Variants in UBE2E2 observed in about 807,000 individuals in gnomAD.
UBE2E2 encodes ubiquitin-conjugating enzyme E2 E2.
UBE2E2 carries 6 observed loss-of-function variants against 24.7 expected under a neutral mutation model. The ratio of observed to expected loss-of-function variants is 0.24; its 90% CI spans 0.13 to 0.48. The LOEUF is 0.48. UBE2E2 is among the 20% of genes least tolerant of loss of function. The probability of loss-of-function intolerance (pLI) is 0.99; values close to 1 mark genes in which losing one functional copy is unlikely to be tolerated. For missense variants in UBE2E2, 169 were observed against 245.0 expected (o/e 0.69, Z 2.07); for synonymous variants, 104 against 83.6 (o/e 1.24, Z -1.33).
chr3:23,475,784 G>A (rs1336641064), intron 3 of UBE2E2, among the ~76,000 whole-genome samples: 3 of 152,048 alleles, frequency 2.0e-5, no homozygotes, highest in African/African-American at 7.3e-5. Context: ...AGGCTCTATA[G>A]AAACAATTTA....
At chr3:23,437,591 C>T (rs568142435) in intron 3 of UBE2E2, among the ~76,000 whole-genome samples, 2 of 152,270 alleles carry the variant, frequency 1.3e-5, no homozygotes, top group East Asian at 3.9e-4. Flanking sequence ...AACGTAAGTA[C>T]TATAGGAGCT....
intron 3 of UBE2E2, among the ~76,000 whole-genome samples, chr3:23,299,623 G>C (rs372707788): frequency 4.6e-5 from 7 of 152,148 alleles, no homozygotes; most frequent in East Asian, 1.9e-4. Flanking sequence ...CTGAGTTCTA[G>C]TTTGATTGCA....
At chr3:23,334,095 T>C (rs1207144245) in intron 3 of UBE2E2, among the ~76,000 whole-genome samples, 3 of 152,222 alleles carry the variant, frequency 2.0e-5, no homozygotes, top group African/African-American at 7.2e-5. Flanking sequence ...TTATCTTAAA[T>C]TGAAATATGC....
intron 3 of UBE2E2, among the ~76,000 whole-genome samples, chr3:23,269,078 T>C (rs1211046601): frequency 2.0e-5 from 3 of 151,972 alleles, no homozygotes; most frequent in Non-Finnish European, 1.5e-5. Context: ...ACTTAAACGT[T>C]AGACCTAAAA....
intron 3 of UBE2E2, among the ~76,000 whole-genome samples, chr3:23,222,839 T>C (rs561452762): frequency 5.4e-4 from 74 of 136,270 alleles, no homozygotes; most frequent in African/African-American, 1.9e-3. Context: ...CCAACAACAG[T>C]GTACGAGCCT....
In UBE2E2 at chr3:23,244,147, G is replaced by A. The variant is rs896304974; in HGVS notation, c.227+26835G>A. ...TGCATTTCATTTGGAAAAAAAAAAA[G>A]AATCAACTATTAAATGAGGAAATTA... On this transcript the variant is annotated intron_variant, in intron 3 of 5. Coordinates refer to ENST00000396703, the MANE Select transcript of UBE2E2 (RefSeq NM_152653.4). Among the ~76,000 whole-genome samples, 138 of 134,110 alleles carry A rather than the reference G, an allele frequency of 1.0e-3. 2 individuals carry two copies. The highest frequency in any genetic ancestry group is 1.0e-2 in the Admixed American group (135 of 13,516). The allele number at this position is 134,110 out of a possible 152,430, so 88.0% of individuals were successfully genotyped here. A position where few individuals can be genotyped will look rare whatever the true frequency, so the allele number is the denominator to read the frequency against.
intron 3 of UBE2E2, among the ~76,000 whole-genome samples, chr3:23,387,174 A>G (rs1696821976): frequency 6.6e-6 from 1 of 152,238 alleles, no homozygotes; most frequent in African/African-American, 2.4e-5. Context: ...GACTAAATGT[A>G]GTATTCCTAT....
chr3:23,556,637 G>A (rs1268814599), intron 5 of UBE2E2, among the ~76,000 whole-genome samples: 1 of 151,986 alleles, frequency 6.6e-6, no homozygotes, highest in Non-Finnish European at 1.5e-5. Context: ...GCTTATTTGA[G>A]GTTAAAGAGT....
At position 23,589,839 on chromosome 3, in the gene UBE2E2, C is replaced by CT; in HGVS notation, c.*9dup. 6.2e-7 allele frequency: 1 copy of CT among 1,613,978 alleles called. No homozygotes were observed. Among genetic ancestry groups the CT allele is most frequent in the Non-Finnish European group, 8.5e-7 (1 of 1,179,858 alleles). ...AAGCGGTACGCCACATAGGGGCCTG[C>CT]TGCCTGCCGCCCCGCGGGACCTGTG... On this transcript the variant is annotated 3_prime_UTR_variant, in exon 6 of 6. Coordinates refer to ENST00000396703, the MANE Select transcript of UBE2E2 (RefSeq NM_152653.4). The surrounding 1 kb of genome is among the most constrained non-coding windows in gnomAD (Gnocchi z 4.1).
chr3:23,332,689 G>T (rs112960205), intron 3 of UBE2E2, among the ~76,000 whole-genome samples: 136 of 148,434 alleles, frequency 9.2e-4, no homozygotes, highest in African/African-American at 3.2e-3. Flanking sequence ...GTGTGTGTGT[G>T]TGTGTGTGTG....
chr3:23,283,130 A>T (rs1464349779), intron 3 of UBE2E2, among the ~76,000 whole-genome samples: 2 of 152,154 alleles, frequency 1.3e-5, no homozygotes, highest in Non-Finnish European at 2.9e-5. Context: ...GAAGTTGATA[A>T]ATGCTACCTT....
chr3:23,300,833 C>G (rs934653086), intron 3 of UBE2E2, among the ~76,000 whole-genome samples: 1 of 152,026 alleles, frequency 6.6e-6, no homozygotes, highest in African/African-American at 2.4e-5. Flanking sequence ...GTTGGCCTGC[C>G]TTGCTAGATT....
At chr3:23,213,395 G>GA (rs925128243) in intron 2 of UBE2E2, among the ~76,000 whole-genome samples, 3 of 151,846 alleles carry the variant, frequency 2.0e-5, no homozygotes, top group African/African-American at 7.3e-5. Context: ...TGATTGTTAT[G>GA]ATTCCCCTCC....
chr3:23,433,824 T>C (rs919377525), intron 3 of UBE2E2, among the ~76,000 whole-genome samples: 5 of 152,000 alleles, frequency 3.3e-5, no homozygotes, highest in African/African-American at 1.2e-4. Flanking sequence ...AATAGAAGTA[T>C]ATCATGTCTT....
intron 3 of UBE2E2, among the ~76,000 whole-genome samples, chr3:23,294,485 C>T (rs1052920792): frequency 1.9e-4 from 29 of 151,900 alleles, no homozygotes; most frequent in African/African-American, 4.8e-4. Flanking sequence ...ATAATCAAGA[C>T]GTGGCTCATC....
At chr3:23,249,878 G>A (rs1375532096) in intron 3 of UBE2E2, among the ~76,000 whole-genome samples, 2 of 152,032 alleles carry the variant, frequency 1.3e-5, no homozygotes, top group African/African-American at 2.4e-5. Flanking sequence ...GGATAGTCTC[G>A]ATCTCCTGAC....
intron 3 of UBE2E2, among the ~76,000 whole-genome samples, chr3:23,395,657 AG>A (rs1389731085): frequency 6.6e-6 from 1 of 152,104 alleles, no homozygotes; most frequent in East Asian, 1.9e-4. Context: ...TTAGTTTTTA[AG>A]GGTGAATCCA....
intron 5 of UBE2E2, among the ~76,000 whole-genome samples, chr3:23,575,920 A>G (rs1231208782): frequency 6.6e-6 from 1 of 152,162 alleles, no homozygotes; most frequent in Non-Finnish European, 1.5e-5. Context: ...CTAATGTGCT[A>G]AGTCAATATG....
intron 3 of UBE2E2, among the ~76,000 whole-genome samples, chr3:23,405,159 C>T (rs1372539791): frequency 6.6e-6 from 1 of 152,136 alleles, no homozygotes; most frequent in Non-Finnish European, 1.5e-5. Flanking sequence ...CATGGGAAGT[C>T]ATGCGAAACA....
Sources: gnomAD v4.1 joint callset for allele counts (sites outside exome capture counted in the v4.1 genomes callset) on GRCh38, gnomAD v4.1.1 for gene constraint, Gnocchi (gnomAD v3.1) non-coding constraint, MANE v1.5 for transcripts, NCBI Gene and HGNC (gene_info 2026-07-23, HGNC 2026-07-21) for gene names.